The following CACNA1B variants were observed in gnomAD, a reference collection of about 807,000 sequenced individuals.
CACNA1B encodes the protein voltage-dependent N-type calcium channel subunit alpha-1B.
In CACNA1B, 70 loss-of-function variants were observed where a neutral mutation model predicts 247.2. That is an observed-to-expected ratio of 0.28 (90% CI 0.23 to 0.35). CACNA1B has a LOEUF of 0.35. Ranked by LOEUF, CACNA1B falls within the 10% of genes least tolerant of loss-of-function variation. The pLI is 1.00. For synonymous variants in CACNA1B, 1,231 were observed against 1,294.4 expected, an observed-to-expected ratio of 0.95 and a Z score of 1.05; for missense variants, 2,367 against 3,197.4, an observed-to-expected ratio of 0.74 and a Z score of 6.26.
At position 138,054,049 on chromosome 9, in the gene CACNA1B, A is replaced by T; in HGVS notation, c.3968+43A>T. The T allele has an allele frequency of 6.3e-7, 1 of 1,586,332 alleles. No homozygotes were observed. The highest frequency in any genetic ancestry group is 8.7e-7 in the Non-Finnish European group (1 of 1,155,572). On this transcript the variant is annotated intron_variant, in intron 26 of 46. Transcript: ENST00000371372. The surrounding 1 kb of genome is among the most constrained non-coding windows in gnomAD (Gnocchi z 4.6). ...GCAAGGTGGGACACACAGCCCCATG[A>T]TGCAGACAACACTGGGAGTTCCCTT...
chr9:138,090,039 A>G (rs895492419), intron 36 of CACNA1B, among the ~76,000 whole-genome samples: 3 of 152,188 alleles, frequency 2.0e-5, no homozygotes, highest in African/African-American at 4.8e-5. Flanking sequence ...TGCAATCCCT[A>G]TCAAAATACC....
intron 15 of CACNA1B, among the ~76,000 whole-genome samples, chr9:138,002,777 T>C (rs541698836): frequency 6.6e-5 from 10 of 150,862 alleles, no homozygotes; most frequent in African/African-American, 2.5e-4. Flanking sequence ...TTTCTTCTCT[T>C]TTCTTTTCTT....
intron 36 of CACNA1B, among the ~76,000 whole-genome samples, chr9:138,078,768 G>T (rs1344225314): frequency 6.6e-6 from 1 of 152,168 alleles, no homozygotes. Flanking sequence ...ACGACTGGGG[G>T]CAACAGTGGC....
rs556720599 is a variant in CACNA1B, at chr9:138,025,148, C to G, written c.3262C>G (p.Leu1088Val). 1 of 1,611,842 alleles carries G rather than the reference C, an allele frequency of 6.2e-7. No individual in the cohort carries two copies. The highest frequency in any genetic ancestry group is 2.2e-5 in the East Asian group (1 of 44,780). Residue 1088 changes from leucine to valine, a missense_variant, in exon 20 of 47, where the codon CTT becomes GTT. By Grantham distance (32) the Leu-to-Val change is conservative. This residue lies in a region of CACNA1B where 631 missense variants were observed against 631.1 expected (regional missense o/e 1.00). Transcript: ENST00000371372. ...TATCCCAGTGATGCTGACGGGCCCT[C>G]TTGGGGAAGCCACGGTCGTTCCCAG... ...VHIPVMLTGP[L>V]GEATVVPSGN...
intron 36 of CACNA1B, among the ~76,000 whole-genome samples, chr9:138,079,014 G>A (rs1317301772): frequency 1.3e-5 from 2 of 152,188 alleles, no homozygotes; most frequent in African/African-American, 2.4e-5. Context: ...GGATGGAAAC[G>A]AGTTGTCGTT....
intron 20 of CACNA1B, among the ~76,000 whole-genome samples, chr9:138,032,108 T>G (rs915341683): frequency 6.6e-6 from 1 of 152,126 alleles, no homozygotes; most frequent in Non-Finnish European, 1.5e-5. Flanking sequence ...GTTACTTGAA[T>G]GTACTTTAGA....
At position 138,120,390 on chromosome 9, in the gene CACNA1B, C is replaced by T. The variant is rs201810933; in HGVS notation, c.6238+18C>T. ...GGATGGCGGTGCGTGCGGAGGGGCC[C>T]GGGGAGTCCTTCGGGGAGCTATGGC... is the stretch of plus-strand genomic sequence containing the variant. On this transcript the variant is annotated intron_variant, in intron 45 of 46. Transcript: ENST00000371372. The T allele has an allele frequency of 1.6e-4, 241 of 1,532,360 alleles. No homozygotes were observed. The highest frequency in any genetic ancestry group is 1.9e-4 in the Non-Finnish European group (220 of 1,143,322). The allele number at this position is 1,532,360 out of a possible 1,614,324, so 94.9% of individuals were successfully genotyped here. A position where few individuals can be genotyped will look rare whatever the true frequency, so the allele number is the denominator to read the frequency against.
rs1271072703 is a variant in CACNA1B, at chr9:138,023,195, G to T, written c.2452G>T (p.Val818Leu). Residue 818 changes from valine (V) to leucine (L), a missense_variant, in exon 19 of 47, where the codon GTG becomes TTG. By Grantham distance (32) the Val-to-Leu change is conservative (BLOSUM62 1). Around this residue, in one of 12 missense-constraint regions of CACNA1B, gnomAD observed 631 missense variants for 631.1 expected, o/e 1.00. Coordinates refer to ENST00000371372, the MANE Select transcript of CACNA1B (RefSeq NM_000718.4). ...DMKTHLDRPL[V>L]VELGRDGARG... ...GAAGACGCACCTGGACCGGCCGCTG[G>T]TGGTGGAGCTGGGCCGCGACGGCGC... is the stretch of plus-strand genomic sequence containing the variant. 5 of 1,520,886 alleles carry T rather than the reference G, an allele frequency of 3.3e-6. No homozygotes were observed. The highest frequency in any genetic ancestry group is 4.4e-6 in the Non-Finnish European group (5 of 1,142,180). 94.2% of individuals were successfully genotyped at this position (1,520,886 alleles called of 1,614,324 possible).
intron 3 of CACNA1B, among the ~76,000 whole-genome samples, chr9:137,910,781 A>G (rs1483087863): frequency 2.0e-5 from 3 of 151,996 alleles, no homozygotes; most frequent in Non-Finnish European, 4.4e-5. Flanking sequence ...GCCTGCCGCC[A>G]CCTCCTGCAG....
Position 138,050,196 on chromosome 9 carries a change from A to T in CACNA1B, c.3710+881A>T. 5.0e-6 allele frequency: 4 copies of T among 796,134 alleles called. No homozygotes were observed. Among genetic ancestry groups the T allele is most frequent in the South Asian group, 4.2e-5 (3 of 70,736 alleles). The allele number at this position is 796,134 out of a possible 1,614,324, so 49.3% of individuals were successfully genotyped here. A position where few individuals can be genotyped will look rare whatever the true frequency, so the allele number is the denominator to read the frequency against. ...CCCCCCGCCCATCCACTTTCACCCCATCGGGGCTGCATGCTGCCGGGAGCC... is the reference window on the plus strand; with the variant it reads ...CCCCCCGCCCATCCACTTTCACCCCTTCGGGGCTGCATGCTGCCGGGAGCC... On this transcript the variant is annotated intron_variant, in intron 24 of 46. Transcript: ENST00000371372. The surrounding 1 kb of genome is among the most constrained non-coding windows in gnomAD (Gnocchi z 5.2).
At chr9:137,977,450 G>T (rs1385613491) in intron 12 of CACNA1B, among the ~76,000 whole-genome samples, 2 of 132,512 alleles carry the variant, frequency 1.5e-5, no homozygotes, top group African/African-American at 2.9e-5. Context: ...CAGAGGGCAG[G>T]GCAGGGCAGT....
intron 10 of CACNA1B, among the ~76,000 whole-genome samples, chr9:137,965,557 C>G (rs1294968750): frequency 2.0e-5 from 3 of 151,788 alleles, no homozygotes; most frequent in African/African-American, 7.3e-5. Flanking sequence ...TGGTGCATGC[C>G]TGTAGTCCTA....
intron 20 of CACNA1B, among the ~76,000 whole-genome samples, chr9:138,040,180 C>T (rs1959099583): frequency 2.6e-5 from 4 of 152,086 alleles, no homozygotes; most frequent in Admixed American, 1.3e-4. Flanking sequence ...CTCAAGTGAT[C>T]CACCTGCCTT....
At chr9:138,116,012 A>G (rs1961855290) in intron 42 of CACNA1B, among the ~76,000 whole-genome samples, 2 of 152,232 alleles carry the variant, frequency 1.3e-5, no homozygotes, top group Admixed American at 1.3e-4. Context: ...TTCCTGTGAC[A>G]TTAGACAGGT....
At chr9:138,089,633 A>C (rs1256228296) in intron 36 of CACNA1B, among the ~76,000 whole-genome samples, 4 of 152,194 alleles carry the variant, frequency 2.6e-5, no homozygotes, top group African/African-American at 4.8e-5. Flanking sequence ...TAGTACTGGA[A>C]GTTCTAGCCA....
At chr9:138,077,242 G>A (rs867145196) in intron 35 of CACNA1B, among the ~76,000 whole-genome samples, 1 of 152,234 alleles carries the variant, frequency 6.6e-6, no homozygotes, top group Non-Finnish European at 1.5e-5. Context: ...GACACACGGA[G>A]GTGGGGACCC....
chr9:137,951,418 C>T (rs981930567), intron 6 of CACNA1B, among the ~76,000 whole-genome samples: 1 of 152,162 alleles, frequency 6.6e-6, no homozygotes, highest in African/African-American at 2.4e-5. Flanking sequence ...CCCCAACTGT[C>T]CTCCTGCCTC....
rs1015728294 is a variant in CACNA1B, at chr9:138,120,016, C to T, written c.6031-149C>T. 4.5e-6 allele frequency: 3 copies of T among 672,736 alleles called. No homozygotes were observed. The African/African-American group carries it at 5.4e-5, about 12-fold the overall frequency. 41.7% of individuals were successfully genotyped at this position (672,736 alleles called of 1,614,324 possible). A position where few individuals can be genotyped will look rare whatever the true frequency, so the allele number is the denominator to read the frequency against. ...CCCCCAGCCTGCCCTCCTGGGCTACCATTTCAGGCCTGGGTCCTTCTGACT... is the reference window on the plus strand; with the variant it reads ...CCCCCAGCCTGCCCTCCTGGGCTACTATTTCAGGCCTGGGTCCTTCTGACT... On this transcript the variant is annotated intron_variant, in intron 44 of 46. Transcript: ENST00000371372.
rs547607661 is a variant in CACNA1B at position 138,119,835 on chromosome 9, G to A, written c.6031-330G>A. ...CTGATTCTGGCCGTGGAAGCAGCTC[G>A]GGAGCCAGTCCACCCCAGACGCACC... On this transcript the variant is annotated intron_variant, in intron 44 of 46. Transcript: ENST00000371372. Among the ~76,000 whole-genome samples, 49 of 152,262 alleles carry A rather than the reference G, an allele frequency of 3.2e-4. 2 individuals are homozygous for A. In the South Asian group the frequency reaches 9.9e-3, roughly 31 times the overall value.
Sources: gnomAD v4.1 joint callset for allele counts (sites outside exome capture counted in the v4.1 genomes callset) on GRCh38, gnomAD v4.1.1 for gene constraint, gnomAD v4.1.1 regional missense constraint, Gnocchi (gnomAD v3.1) non-coding constraint, MANE v1.5 for transcripts, NCBI Gene and HGNC (gene_info 2026-07-23, HGNC 2026-07-21) for gene names.